The following HHLA2 variants were observed in gnomAD, a reference collection of about 807,000 sequenced individuals.
The protein encoded by HHLA2 is HERV-H LTR-associating protein 2.
A neutral mutation model predicts 45.9 loss-of-function variants in HHLA2; 48 were observed. The observed-to-expected ratio is 1.05, with a 90% CI of 0.83 to 1.33. The LOEUF is 1.33. Ranked by LOEUF, HHLA2 falls within the 40% of genes most tolerant of loss-of-function variation. The pLI is 0.00. For missense variants in HHLA2, 462 were observed against 494.3 expected (o/e 0.93, Z 0.62); for synonymous variants, 161 against 173.9 (o/e 0.93, Z 0.59).
At chr3:108,331,977 T>C (rs984860311) in intron 3 of HHLA2, among the ~76,000 whole-genome samples, 1 of 152,124 alleles carries the variant, frequency 6.6e-6, no homozygotes, top group Non-Finnish European at 1.5e-5. Context: ...AGAGGAATCT[T>C]GTGGCAAGCG....
chr3:108,316,301 T>A (rs1453333857), intron 2 of HHLA2, among the ~76,000 whole-genome samples: 2 of 152,158 alleles, frequency 1.3e-5, no homozygotes, highest in Non-Finnish European at 2.9e-5. Context: ...AGATACTGGG[T>A]CAGGTGCCAG....
chr3:108,303,695 C>A (rs752985350), intron 1 of HHLA2, among the ~76,000 whole-genome samples: 23 of 152,142 alleles, frequency 1.5e-4, no homozygotes, highest in Non-Finnish European at 2.5e-4. Flanking sequence ...GCATGCCATT[C>A]CTGTACCCCA....
chr3:108,325,159 AT>A (rs57109677), intron 2 of HHLA2, among the ~76,000 whole-genome samples: 13,523 of 152,002 alleles, frequency 0.089, 1,377 homozygotes, highest in East Asian at 0.53. Context: ...AGTCTCATTT[AT>A]TTTTTAGAAA....
At chr3:108,372,360 C>T (rs1159843457) in intron 8 of HHLA2, among the ~76,000 whole-genome samples, 2 of 151,424 alleles carry the variant, frequency 1.3e-5, no homozygotes, top group Admixed American at 6.6e-5. Flanking sequence ...ACTAAATGCC[C>T]ACAAGAGAAA....
At chr3:108,314,995 A>G (rs1411673131) in intron 2 of HHLA2, among the ~76,000 whole-genome samples, 2 of 152,234 alleles carry the variant, frequency 1.3e-5, no homozygotes, top group Admixed American at 1.3e-4. Context: ...CCTACTAAGC[A>G]AGATATCAAG....
chr3:108,319,512 C>T (rs2081162161), intron 2 of HHLA2, among the ~76,000 whole-genome samples: 1 of 152,162 alleles, frequency 6.6e-6, no homozygotes, highest in Admixed American at 6.5e-5. Flanking sequence ...CTCTGAAGAA[C>T]CCAAAATAAT....
intron 1 of HHLA2, among the ~76,000 whole-genome samples, chr3:108,308,981 T>G (rs1030701298): frequency 4.6e-5 from 7 of 152,230 alleles, no homozygotes; most frequent in African/African-American, 1.7e-4. Flanking sequence ...TTGTTGATTG[T>G]TTCCTTTGCT....
In HHLA2 at chr3:108,318,358, C is replaced by CTTTGACATGGA. The variant is rs1218879130; in HGVS notation, c.-105+7618_-105+7619insTTGACATGGAT. 3.9e-5 allele frequency among the ~76,000 whole-genome samples: 6 copies of CTTTGACATGGA among 152,194 alleles called. No individual in the cohort carries two copies. In the East Asian group the frequency reaches 1.2e-3, roughly 29 times the overall value. On this transcript the variant is annotated intron_variant, in intron 2 of 10. Coordinates refer to ENST00000619531, the Ensembl canonical transcript of HHLA2. ...TCAATGGCCATGGATAAAATCCTAA[C>CTTTGACATGGA]TAAAAATTCCACTTTGACAAACATG...
At chr3:108,374,010 C>T (rs1350931869) in intron 8 of HHLA2, among the ~76,000 whole-genome samples, 20,141 of 144,454 alleles carry the variant, frequency 0.14, 1,867 homozygotes, top group Non-Finnish European at 0.21. Context: ...AAAAAGAGCC[C>T]GCATTGCCAA....
chr3:108,374,292 C>G (rs1305749600), intron 8 of HHLA2, among the ~76,000 whole-genome samples: 2 of 151,660 alleles, frequency 1.3e-5, no homozygotes, highest in Non-Finnish European at 3.0e-5. Flanking sequence ...AAAGCTGAAA[C>G]TGGATCCCTT....
chr3:108,360,295 C>G (rs2081965805), intron 7 of HHLA2, among the ~76,000 whole-genome samples: 1 of 152,162 alleles, frequency 6.6e-6, no homozygotes, highest in African/African-American at 2.4e-5. Context: ...GTGGCCATAA[C>G]TGTTGTAGTT....
At chr3:108,318,963 CCATTCT>C (rs2081150401) in intron 2 of HHLA2, among the ~76,000 whole-genome samples, 1 of 152,210 alleles carries the variant, frequency 6.6e-6, no homozygotes. Flanking sequence ...GCAAATAGCT[CCATTCT>C]CCCCAAACAC....
chr3:108,328,172 G>A, intron 2 of HHLA2: 1 of 556,594 alleles, frequency 1.8e-6, no homozygotes. Context: ...TTTCAGTTTG[G>A]TATAATATTT....
chr3:108,317,255 A>T (rs904104554), intron 2 of HHLA2, among the ~76,000 whole-genome samples: 2 of 152,234 alleles, frequency 1.3e-5, no homozygotes, highest in Admixed American at 1.3e-4. Flanking sequence ...AGAAGTGGAT[A>T]TACGGTGTGC....
At chr3:108,333,743 G>A (rs1487555530) in intron 3 of HHLA2, among the ~76,000 whole-genome samples, 1 of 152,108 alleles carries the variant, frequency 6.6e-6, no homozygotes, top group Admixed American at 6.6e-5. Context: ...CAGTTAGTCT[G>A]TATTCAATGA....
At chr3:108,371,971 T>C (rs1322822736) in intron 8 of HHLA2, among the ~76,000 whole-genome samples, 1 of 152,162 alleles carries the variant, frequency 6.6e-6, no homozygotes, top group Non-Finnish European at 1.5e-5. Context: ...CTGCACCAAG[T>C]GGACCTAACA....
intron 8 of HHLA2, among the ~76,000 whole-genome samples, chr3:108,372,882 C>T (rs1039508463): frequency 1.1e-4 from 17 of 152,162 alleles, no homozygotes; most frequent in South Asian, 6.2e-4. Flanking sequence ...GATTCACAGC[C>T]GAATTCTACC....
intron 1 of HHLA2, chr3:108,302,903 C>G (rs915414197): frequency 2.0e-4 from 30 of 152,124 alleles, no homozygotes; most frequent in African/African-American, 7.2e-4. Flanking sequence ...ACAGCACACA[C>G]TAATAGGAAA....
intron 4 of HHLA2, among the ~76,000 whole-genome samples, chr3:108,353,043 T>C (rs2081808659): frequency 6.6e-6 from 1 of 152,224 alleles, no homozygotes; most frequent in South Asian, 2.1e-4. Context: ...TAAACTAATT[T>C]ATTGTTGCTA....
Sources: gnomAD v4.1 joint callset for allele counts (sites outside exome capture counted in the v4.1 genomes callset) on GRCh38, gnomAD v4.1.1 for gene constraint, MANE v1.5 for transcripts, NCBI Gene and HGNC (gene_info 2026-07-23, HGNC 2026-07-21) for gene names.